Variants in PLCH1 observed in about 807,000 individuals in gnomAD.
PLCH1 encodes phospholipase C eta 1.
Under a neutral mutation model 126.7 loss-of-function variants are expected in PLCH1, and 60 were observed. The observed-to-expected ratio is 0.47, with a 90% CI of 0.38 to 0.59. The LOEUF (loss-of-function observed/expected upper bound fraction) is 0.59, where lower values mean the gene tolerates loss of function less well. PLCH1 is among the 20% of genes least tolerant of loss of function. The pLI is 0.00. For synonymous variants in PLCH1, 719 were observed against 734.9 expected (o/e 0.98, Z 0.35); for missense variants, 1,723 against 2,040.0 (o/e 0.84, Z 2.99).
intron 1 of PLCH1, chr3:155,743,835 CT>C (rs1303683119): frequency 5.0e-6 from 1 of 201,826 alleles, no homozygotes; most frequent in African/African-American, 2.4e-5. Context: ...TCTTGTAACG[CT>C]CGAGAACAAT....
intron 10 of PLCH1, among the ~76,000 whole-genome samples, chr3:155,544,339 A>G (rs1380287212): frequency 1.3e-5 from 2 of 152,250 alleles, no homozygotes; most frequent in African/African-American, 2.4e-5. Flanking sequence ...AGAGCTAACT[A>G]TCCTAAATAT....
At chr3:155,483,982 C>T (rs991806146) in intron 22 of PLCH1, among the ~76,000 whole-genome samples, 3 of 151,688 alleles carry the variant, frequency 2.0e-5, no homozygotes, top group African/African-American at 7.3e-5. Context: ...ATTTTGAAAA[C>T]CTCAAAAAAT....
intron 1 of PLCH1, among the ~76,000 whole-genome samples, chr3:155,728,003 T>C (rs538298726): frequency 2.6e-4 from 39 of 152,182 alleles, no homozygotes; most frequent in Non-Finnish European, 4.7e-4. Context: ...TTGTCCCTTA[T>C]GCCTTCTGGC....
intron 2 of PLCH1, among the ~76,000 whole-genome samples, chr3:155,615,333 G>T (rs577696771): frequency 6.6e-6 from 1 of 152,168 alleles, no homozygotes; most frequent in African/African-American, 2.4e-5. Flanking sequence ...TACCCTGCTG[G>T]TTGGAATGTA....
At chr3:155,602,537 C>T (rs1049061643) in intron 2 of PLCH1, among the ~76,000 whole-genome samples, 1 of 141,778 alleles carries the variant, frequency 7.1e-6, no homozygotes, top group Non-Finnish European at 1.5e-5. Context: ...GTGTGAACAT[C>T]ATAGTGTATT....
chr3:155,530,859 A>G (rs910922975), intron 10 of PLCH1, among the ~76,000 whole-genome samples: 12 of 152,254 alleles, frequency 7.9e-5, no homozygotes, highest in African/African-American at 2.7e-4. Context: ...TTCTTAAATA[A>G]TAAGACTTGA....
chr3:155,454,486 T>C (rs753258847), intron 21 of PLCH1, among the ~76,000 whole-genome samples: 4 of 151,724 alleles, frequency 2.6e-5, no homozygotes, highest in African/African-American at 9.7e-5. Context: ...CCATCTTAAA[T>C]AAATAAATAA....
intron 21 of PLCH1, among the ~76,000 whole-genome samples, chr3:155,458,413 G>A (rs1458668214): frequency 5.8e-5 from 3 of 52,162 alleles, no homozygotes; most frequent in African/African-American, 5.1e-4. Flanking sequence ...AAGGAAGGAA[G>A]GAAGGAAGGA....
At chr3:155,521,342 T>C (rs1721082214) in intron 11 of PLCH1, among the ~76,000 whole-genome samples, 3 of 152,212 alleles carry the variant, frequency 2.0e-5, no homozygotes, top group African/African-American at 4.8e-5. Flanking sequence ...GTTACTGATA[T>C]ATCCTCCAAT....
intron 2 of PLCH1, among the ~76,000 whole-genome samples, chr3:155,629,280 T>G (rs11917394): frequency 6.6e-6 from 1 of 152,184 alleles, no homozygotes; most frequent in Non-Finnish European, 1.5e-5. Context: ...ACAATAAAAC[T>G]GCTTCCAAAT....
chr3:155,565,220 T>C, intron 7 of PLCH1, 102 bp from the exon 8 acceptor site: 1 of 702,302 alleles, frequency 1.4e-6, no homozygotes, highest in South Asian at 1.8e-5. Flanking sequence ...AATGATTATC[T>C]TATTTACCCT....
chr3:155,658,052 A>G (rs952930027), intron 2 of PLCH1: 1 of 212,104 alleles, frequency 4.7e-6, no homozygotes, highest in Non-Finnish European at 1.0e-5. Flanking sequence ...ACTGTTACAA[A>G]ACCGGTTGGT....
chr3:155,637,944 G>C (rs1220738493), intron 2 of PLCH1, among the ~76,000 whole-genome samples: 2 of 152,182 alleles, frequency 1.3e-5, no homozygotes, highest in Admixed American at 1.3e-4. Context: ...GCACTAGCCA[G>C]TGCACAAAGG....
intron 8 of PLCH1, among the ~76,000 whole-genome samples, chr3:155,557,595 T>A (rs779333599): frequency 6.6e-6 from 1 of 152,340 alleles, no homozygotes. Context: ...CATCTTAATA[T>A]GTGGCATTCG....
chr3:155,559,184 A>G (rs559254927), intron 8 of PLCH1, among the ~76,000 whole-genome samples: 70 of 152,258 alleles, frequency 4.6e-4, no homozygotes, highest in Non-Finnish European at 8.7e-4. Flanking sequence ...ACCTGAGTTC[A>G]AATCCCAGCT....
At chr3:155,563,935 C>G (rs976827172) in intron 8 of PLCH1, among the ~76,000 whole-genome samples, 1 of 151,996 alleles carries the variant, frequency 6.6e-6, no homozygotes, top group African/African-American at 2.4e-5. Context: ...TTCTCTCTCT[C>G]TGTCTCTCTC....
intron 2 of PLCH1, among the ~76,000 whole-genome samples, chr3:155,669,453 C>T (rs1368650992): frequency 6.6e-6 from 1 of 152,104 alleles, no homozygotes; most frequent in Non-Finnish European, 1.5e-5. Context: ...TGGCATGCAC[C>T]TGTAGTCCCA....
chr3:155,458,498 G>GAAAGAAAGAA (rs776599269), intron 21 of PLCH1, among the ~76,000 whole-genome samples: 758 of 69,628 alleles, frequency 0.011, 95 homozygotes, highest in African/African-American at 0.053. Context: ...AAGAAAGAAA[G>GAAAGAAAGAA]AGAAAGAAGA....
chr3:155,721,169 T>A (rs1427298577), intron 1 of PLCH1, among the ~76,000 whole-genome samples: 1 of 152,244 alleles, frequency 6.6e-6, no homozygotes, highest in African/African-American at 2.4e-5. Flanking sequence ...AGATTTGTTC[T>A]TTTTGCTAAG....
Sources: allele counts gnomAD v4.1 joint callset (sites outside exome capture counted in the v4.1 genomes callset), GRCh38; gene constraint gnomAD v4.1.1; transcripts MANE v1.5; gene names NCBI Gene and HGNC (gene_info 2026-07-23, HGNC 2026-07-21).